NAA50: variants seen among roughly 807,000 people sequenced by gnomAD.
The protein encoded by NAA50 is N-alpha-acetyltransferase 50.
Under a neutral mutation model 20.7 loss-of-function variants are expected in NAA50, and 7 were observed. That is an observed-to-expected ratio of 0.34 (90% CI 0.19 to 0.63). The LOEUF is 0.63. NAA50 is among the 30% of genes least tolerant of loss of function. NAA50 has a pLI of 0.75. For synonymous variants in NAA50, 54 were observed against 70.6 expected (o/e 0.77, Z 1.18); for missense variants, 111 against 199.1 (o/e 0.56, Z 2.66).
chr3:113,723,432 C>T lies in NAA50; in HGVS notation c.255G>A (p.Arg85=), dbSNP rs775682259. 3.1e-6 allele frequency: 5 copies of T among 1,606,666 alleles called. No individual in the cohort carries two copies. The South Asian group carries it at 5.6e-5, about 18-fold the overall frequency. Residue 85 remains arginine (R), a synonymous_variant, in exon 3 of 5, where the codon AGG becomes AGA. Coordinates refer to ENST00000240922, the MANE Select transcript of NAA50 (RefSeq NM_025146.4). ...MTLGCLAPYR[R]LGIGTKMLNH... Reference sequence around the variant, plus strand: ...ACCACAATTTTTTACCTATTCCTAGCCTTCGGTAAGGTGCCAGACATCCTA... The same window carrying T: ...ACCACAATTTTTTACCTATTCCTAGTCTTCGGTAAGGTGCCAGACATCCTA...
chr3:113,727,493 A>G (rs1324645986), intron 1 of NAA50, among the ~76,000 whole-genome samples: 1 of 152,218 alleles, frequency 6.6e-6, no homozygotes, highest in Admixed American at 6.5e-5. Context: ...ACTGTGCTAC[A>G]ATGAGTCTAA....
chr3:113,745,928 C>G lies in NAA50; in HGVS notation c.8+14G>C, dbSNP rs1040266228. ...ACCCCACCGGCCGGGCCCTGCCCGGCTGCCCTTCCTCACCCTTTCATCTTC... is the reference window on the plus strand; with the variant it reads ...ACCCCACCGGCCGGGCCCTGCCCGGGTGCCCTTCCTCACCCTTTCATCTTC... On this transcript the variant is annotated intron_variant, in intron 1 of 4. Coordinates refer to ENST00000240922, the MANE Select transcript of NAA50 (RefSeq NM_025146.4). 2 of 1,604,992 alleles carry G rather than the reference C, an allele frequency of 1.2e-6. No homozygotes were observed. The highest frequency in any genetic ancestry group is 2.2e-5 in the South Asian group (2 of 90,642).
intron 1 of NAA50, among the ~76,000 whole-genome samples, chr3:113,744,458 T>C (rs1412255410): frequency 2.0e-5 from 3 of 150,182 alleles, no homozygotes; most frequent in Non-Finnish European, 3.0e-5. Flanking sequence ...AGCCAGACCC[T>C]GCCTCATTAA....
intron 1 of NAA50, among the ~76,000 whole-genome samples, chr3:113,745,186 G>GT (rs1440110053): frequency 5.9e-5 from 9 of 152,132 alleles, no homozygotes; most frequent in Admixed American, 2.0e-4. Flanking sequence ...CTAATTTTAC[G>GT]TAAGAGGCAA....
rs1478632313 is a variant in NAA50 at position 113,745,987 on chromosome 3, C to CG, written c.-39_-38insC. 6.2e-7 allele frequency: 1 copy of CG among 1,606,078 alleles called. No individual in the cohort carries two copies. Among genetic ancestry groups the CG allele is most frequent in the Non-Finnish European group, 8.5e-7 (1 of 1,179,498 alleles). On this transcript the variant is annotated 5_prime_UTR_variant, in exon 1 of 5. Coordinates refer to ENST00000240922, the MANE Select transcript of NAA50 (RefSeq NM_025146.4). Reference sequence around the variant, plus strand: ...CTGAGGCCGTCGTTACCACCGATATCAACGCCGTCGTAGTCGCCGCCCTTA... The same window carrying CG: ...CTGAGGCCGTCGTTACCACCGATATCGAACGCCGTCGTAGTCGCCGCCCTTA...
rs1708100461 is a variant in NAA50 at position 113,719,160 on chromosome 3, C to G, written c.*2600G>C. 6.6e-6 allele frequency: 1 copy of G among 152,522 alleles called. No individual in the cohort carries two copies. Among genetic ancestry groups the G allele is most frequent in the Admixed American group, 6.5e-5 (1 of 15,268 alleles). The allele number at this position is 152,522 out of a possible 1,614,324, so 9.4% of individuals were successfully genotyped here. On this transcript the variant is annotated 3_prime_UTR_variant, in exon 5 of 5. Transcript: ENST00000240922. ...TTTCCACCACCACACCATGGTTTCC[C>G]AATAGTTCTCTTTTTGGAGGACTTT...
chr3:113,723,011 A>G, intron 3 of NAA50, 39 bp from the exon 4 acceptor site: 2 of 1,485,228 alleles, frequency 1.3e-6, no homozygotes, highest in Non-Finnish European at 9.0e-7. Flanking sequence ...GACTTCATAA[A>G]TCAACCTTTA....
chr3:113,745,042 G>GGTTT lies in NAA50; in HGVS notation c.8+899_8+900insAAAC, dbSNP rs1577075047. Among the ~76,000 whole-genome samples the GGTTT allele has an allele frequency of 2.0e-5, 3 of 152,142 alleles. No homozygotes were observed. In the East Asian group the frequency reaches 5.8e-4, roughly 29 times the overall value. On this transcript the variant is annotated intron_variant, in intron 1 of 4. Transcript: ENST00000240922. ...ACGTTTATGAGCTTCATCTCTTTGAGGGTAAAGACAAGCTCCAAAACGGCT... is the reference window on the plus strand; with the variant it reads ...ACGTTTATGAGCTTCATCTCTTTGAGGTTTGGTAAAGACAAGCTCCAAAACGGCT...
At chr3:113,743,565 AT>A (rs1708447423) in intron 1 of NAA50, among the ~76,000 whole-genome samples, 1 of 152,200 alleles carries the variant, frequency 6.6e-6, no homozygotes, top group Non-Finnish European at 1.5e-5. Flanking sequence ...CACACAACTC[AT>A]TTGTTGAGTG....
At chr3:113,724,350 A>G (rs916101060) in intron 1 of NAA50, among the ~76,000 whole-genome samples, 13 of 152,328 alleles carry the variant, frequency 8.5e-5, no homozygotes, top group African/African-American at 2.6e-4. Context: ...CCAGAATAAC[A>G]TTCTGCAAGT....
intron 1 of NAA50, chr3:113,740,689 T>G (rs1306782485): frequency 1.2e-5 from 2 of 165,736 alleles, no homozygotes; most frequent in Non-Finnish European, 2.6e-5. Context: ...AATCCGAGCT[T>G]TCACACTTTA....
At chr3:113,726,959 T>A (rs1226271452) in intron 1 of NAA50, among the ~76,000 whole-genome samples, 3 of 152,100 alleles carry the variant, frequency 2.0e-5, no homozygotes, top group Non-Finnish European at 4.4e-5. Context: ...GCCCAGCTGA[T>A]TTTTGAATTT....
Position 113,723,556 on chromosome 3 carries a change from A to G in NAA50, c.146-15T>C. Reference sequence around the variant, plus strand: ...ATTGAAATAGGCTGCCAAGGAAAACATAAAGATATAATGTTGAACAGACAG... The same window carrying G: ...ATTGAAATAGGCTGCCAAGGAAAACGTAAAGATATAATGTTGAACAGACAG... On this transcript the variant is annotated splice_polypyrimidine_tract_variant and intron_variant, in intron 2 of 4. Coordinates refer to ENST00000240922, the MANE Select transcript of NAA50 (RefSeq NM_025146.4). 1.3e-6 allele frequency: 2 copies of G among 1,597,270 alleles called. No individual in the cohort carries two copies. The highest frequency in any genetic ancestry group is 1.7e-6 in the Non-Finnish European group (2 of 1,172,928).
At chr3:113,742,047 A>C (rs1708423996) in intron 1 of NAA50, among the ~76,000 whole-genome samples, 1 of 152,122 alleles carries the variant, frequency 6.6e-6, no homozygotes, top group African/African-American at 2.4e-5. Context: ...TTATGGTGTA[A>C]GGTTATATTT....
chr3:113,727,657 G>C (rs896806052), intron 1 of NAA50, among the ~76,000 whole-genome samples: 1 of 149,344 alleles, frequency 6.7e-6, no homozygotes, highest in Admixed American at 6.7e-5. Flanking sequence ...GCACACCATA[G>C]AAATGACGTA....
chr3:113,743,308 T>C (rs577552240), intron 1 of NAA50, among the ~76,000 whole-genome samples: 1 of 152,360 alleles, frequency 6.6e-6, no homozygotes, highest in African/African-American at 2.4e-5. Context: ...TTTCCAATTT[T>C]AGATATTTCA....
At chr3:113,735,966 G>A (rs1708335932) in intron 1 of NAA50, among the ~76,000 whole-genome samples, 2 of 152,172 alleles carry the variant, frequency 1.3e-5, no homozygotes, top group African/African-American at 2.4e-5. Flanking sequence ...GATTACAGGC[G>A]CAAGCCACCG....
Position 113,721,604 on chromosome 3 carries a change from T to A in NAA50, c.*156A>T, listed in dbSNP as rs1708136669. The A allele has an allele frequency of 6.8e-6, 5 of 735,968 alleles. No homozygotes were observed. In the East Asian group the frequency reaches 1.3e-4, roughly 20 times the overall value. 45.6% of individuals were successfully genotyped at this position (735,968 alleles called of 1,614,324 possible). A position where few individuals can be genotyped will look rare whatever the true frequency, so the allele number is the denominator to read the frequency against. On this transcript the variant is annotated 3_prime_UTR_variant, in exon 5 of 5. Coordinates refer to ENST00000240922, the MANE Select transcript of NAA50 (RefSeq NM_025146.4). ...ATTATTTTTTTAAAGTCCTTGAAAG[T>A]ATTAAAACTCTCAGAGAAAAGGAAA...
intron 1 of NAA50, among the ~76,000 whole-genome samples, chr3:113,734,083 A>G (rs1276444490): frequency 6.6e-6 from 1 of 152,172 alleles, no homozygotes; most frequent in African/African-American, 2.4e-5. Flanking sequence ...ATAAATGTTT[A>G]AAGATTTCCA....
Sources: allele counts gnomAD v4.1 joint callset (sites outside exome capture counted in the v4.1 genomes callset), GRCh38; gene constraint gnomAD v4.1.1; transcripts MANE v1.5; gene names NCBI Gene and HGNC (gene_info 2026-07-23, HGNC 2026-07-21).